RYR2: variants seen among roughly 807,000 people sequenced by gnomAD.
RYR2 encodes the protein cardiac muscle ryanodine receptor-calcium release channel.
In RYR2, 227 loss-of-function variants were observed where a neutral mutation model predicts 601.1. The observed-to-expected ratio is 0.38, with a 90% CI of 0.34 to 0.42. The LOEUF is 0.42. Among genes scored for constraint, RYR2 ranks in the 10% least tolerant of loss-of-function variants. The pLI, the probability that RYR2 is intolerant of heterozygous loss-of-function variation, is 1.00. For synonymous variants in RYR2, 2,223 were observed against 2,175.1 expected, an observed-to-expected ratio of 1.02 and a Z score of -0.61; for missense variants, 4,646 against 6,156.5, an observed-to-expected ratio of 0.75 and a Z score of 8.21.
intron 1 of RYR2, among the ~76,000 whole-genome samples, chr1:237,217,868 T>C (rs1470002769): frequency 2.0e-5 from 3 of 152,224 alleles, no homozygotes; most frequent in Non-Finnish European, 4.4e-5. Context: ...TTGCTGTATT[T>C]GTTTTGCTCG....
intron 5 of RYR2, among the ~76,000 whole-genome samples, chr1:237,367,827 A>G (rs891546458): frequency 6.6e-6 from 1 of 152,018 alleles, no homozygotes; most frequent in Non-Finnish European, 1.5e-5. Context: ...CATACTCCTT[A>G]CTCAGCCTGA....
rs553195740 is a variant in RYR2 at position 237,264,894 on chromosome 1, G to A, written c.49-5603G>A. The stretch of plus-strand genomic sequence containing the variant: ...TATTTTTTTTTTTAGTAGAGATGGG[G>A]TTTCACCATGTTGGCCAGGCTGGTC... On this transcript the variant is annotated intron_variant, in intron 1 of 104. Coordinates refer to ENST00000366574, the MANE Select transcript of RYR2 (RefSeq NM_001035.3). Among the ~76,000 whole-genome samples the A allele has an allele frequency of 3.4e-4, 52 of 151,642 alleles. 1 individual carries two copies. The highest frequency in any genetic ancestry group is 1.2e-3 in the African/African-American group (51 of 41,324).
chr1:237,704,713 C>T (rs757775474), intron 66 of RYR2, among the ~76,000 whole-genome samples: 5 of 149,840 alleles, frequency 3.3e-5, no homozygotes, highest in South Asian at 4.2e-4. Context: ...ATTAATTTTG[C>T]GGTTATAAAG....
intron 80 of RYR2, among the ~76,000 whole-genome samples, chr1:237,753,034 C>G (rs892409045): frequency 2.0e-5 from 3 of 152,198 alleles, no homozygotes; most frequent in Non-Finnish European, 2.9e-5. Flanking sequence ...GTATGATGCA[C>G]AGATGATAGA....
intron 3 of RYR2, among the ~76,000 whole-genome samples, chr1:237,331,800 C>A (rs1201875313): frequency 6.6e-6 from 1 of 152,072 alleles, no homozygotes; most frequent in African/African-American, 2.4e-5. Context: ...AGGCGTGAGC[C>A]ACCGCGCCCA....
chr1:237,372,732 C>G (rs1251352984), intron 6 of RYR2, among the ~76,000 whole-genome samples: 1 of 152,208 alleles, frequency 6.6e-6, no homozygotes, highest in Non-Finnish European at 1.5e-5. Context: ...AGAGCCTCAA[C>G]TTGGTTGTTA....
intron 1 of RYR2, among the ~76,000 whole-genome samples, chr1:237,207,028 T>TGGAG: frequency 6.6e-6 from 1 of 152,108 alleles, no homozygotes; most frequent in African/African-American, 2.4e-5. Flanking sequence ...AAAATTCAGG[T>TGGAG]GATGCTTGGC....
At chr1:237,493,178 T>A in intron 19 of RYR2, 91 bp downstream of exon 19, 3 of 1,395,508 alleles carry the variant, frequency 2.1e-6, no homozygotes, top group Non-Finnish European at 3.0e-6. Flanking sequence ...GGTCTGTTTT[T>A]TAAATTAGAC....
intron 51 of RYR2, among the ~76,000 whole-genome samples, chr1:237,652,403 A>G (rs1375952114): frequency 2.0e-5 from 3 of 152,132 alleles, no homozygotes; most frequent in African/African-American, 7.2e-5. Context: ...TGTTTGCATC[A>G]AAGTTATATA....
chr1:237,520,041 A>G lies in RYR2; in HGVS notation c.2822+8250A>G, dbSNP rs574504084. On this transcript the variant is annotated intron_variant, in intron 24 of 104. Coordinates refer to ENST00000366574, the MANE Select transcript of RYR2 (RefSeq NM_001035.3). ...TTAATTAGGTATTTTAGGTATTTCA[A>G]TGAGGTATTTTAATTTTTATGTGGA... Among the ~76,000 whole-genome samples, 5 of 152,198 alleles carry G rather than the reference A, an allele frequency of 3.3e-5. No individual in the cohort carries two copies. In the South Asian group the frequency reaches 6.2e-4, roughly 19 times the overall value.
chr1:237,101,100 C>CTG (rs1668042605), intron 1 of RYR2, among the ~76,000 whole-genome samples: 1 of 152,128 alleles, frequency 6.6e-6, no homozygotes, highest in Non-Finnish European at 1.5e-5. Flanking sequence ...GCCCATCTCC[C>CTG]ACATCCTAAT....
At chr1:237,299,458 AG>A (rs1354108612) in intron 2 of RYR2, among the ~76,000 whole-genome samples, 1 of 152,206 alleles carries the variant, frequency 6.6e-6, no homozygotes, top group Non-Finnish European at 1.5e-5. Flanking sequence ...GCCTTTGAAC[AG>A]GAAACAACTA....
intron 2 of RYR2, among the ~76,000 whole-genome samples, chr1:237,307,995 C>T (rs1027155537): frequency 2.0e-5 from 3 of 151,564 alleles, no homozygotes; most frequent in African/African-American, 7.3e-5. Context: ...AAAATGAGGC[C>T]GGGACTTGCT....
At chr1:237,352,983 T>C in intron 3 of RYR2, 1 of 398,208 alleles carries the variant, frequency 2.5e-6, no homozygotes, top group Non-Finnish European at 5.1e-6. Flanking sequence ...CTAGAAAATT[T>C]AGTAGCTTTA....
chr1:237,495,666 A>G (rs1663996189), intron 19 of RYR2, among the ~76,000 whole-genome samples: 1 of 152,212 alleles, frequency 6.6e-6, no homozygotes, highest in Admixed American at 6.5e-5. Context: ...GGAATTAAAT[A>G]CAACTTACTG....
chr1:237,187,226 A>AGT (rs1679450651), intron 1 of RYR2, among the ~76,000 whole-genome samples: 1 of 149,970 alleles, frequency 6.7e-6, no homozygotes, highest in Admixed American at 6.7e-5. Flanking sequence ...GCTGGAGTGC[A>AGT]GTGGCGTGAT....
chr1:237,795,862 A>ATATATATATATACACATATATGTGTATG (rs1558433975), intron 96 of RYR2, among the ~76,000 whole-genome samples: 4 of 75,786 alleles, frequency 5.3e-5, no homozygotes, highest in African/African-American at 1.9e-4. Context: ...ATATGTATAT[A>ATATATATATATACACATATATGTGTATG]TATATATATA....
intron 3 of RYR2, chr1:237,341,607 A>G (rs911149095): frequency 1.9e-6 from 1 of 513,756 alleles, no homozygotes; most frequent in Admixed American, 2.0e-5. Context: ...CGCTTGCTAT[A>G]CCACTAACAT....
chr1:237,569,470 C>T (rs1672439286), intron 29 of RYR2, among the ~76,000 whole-genome samples, 151 bp downstream of exon 29: 2 of 151,776 alleles, frequency 1.3e-5, no homozygotes, highest in Admixed American at 1.3e-4. Flanking sequence ...CTGACTTGAT[C>T]AGATGCCCTT....
Sources: allele counts gnomAD v4.1 joint callset (sites outside exome capture counted in the v4.1 genomes callset), GRCh38; gene constraint gnomAD v4.1.1; transcripts MANE v1.5; gene names NCBI Gene and HGNC (gene_info 2026-07-23, HGNC 2026-07-21).